Variants in EHBP1 observed in about 807,000 individuals in gnomAD.
The protein encoded by EHBP1 is EH domain binding protein 1.
Under a neutral mutation model 144.0 loss-of-function variants are expected in EHBP1, and 55 were observed. That is an observed-to-expected ratio of 0.38 (90% confidence interval 0.31 to 0.48). EHBP1 has a LOEUF of 0.48. EHBP1 is among the 20% of genes least tolerant of loss of function. EHBP1 has a pLI of 0.98. For synonymous variants in EHBP1, 469 were observed against 472.7 expected (o/e 0.99, Z 0.10); for missense variants, 1,200 against 1,364.2 (o/e 0.88, Z 1.90).
At chr2:62,739,193 A>G (rs1000273966) in intron 2 of EHBP1, among the ~76,000 whole-genome samples, 19 of 152,228 alleles carry the variant, frequency 1.2e-4, no homozygotes, top group African/African-American at 3.6e-4. Flanking sequence ...TCTTTTATCT[A>G]TCATACTGTT....
chr2:62,782,160 A>G (rs2042469190), intron 5 of EHBP1, among the ~76,000 whole-genome samples: 1 of 152,230 alleles, frequency 6.6e-6, no homozygotes. Flanking sequence ...CTAGTGCTAT[A>G]TTAACTACTA....
intron 10 of EHBP1, among the ~76,000 whole-genome samples, chr2:62,896,640 G>C (rs2052960643): frequency 6.7e-6 from 1 of 148,856 alleles, no homozygotes; most frequent in Admixed American, 6.7e-5. Flanking sequence ...TTCTGTACCT[G>C]ACCACTTCAG....
intron 10 of EHBP1, among the ~76,000 whole-genome samples, chr2:62,903,643 G>A (rs989811678): frequency 2.6e-5 from 4 of 152,074 alleles, no homozygotes; most frequent in African/African-American, 7.2e-5. Context: ...GCTCACTCCT[G>A]TAGTTCCAGC....
chr2:63,031,105 C>A (rs543136638), intron 19 of EHBP1, among the ~76,000 whole-genome samples: 1 of 152,038 alleles, frequency 6.6e-6, no homozygotes, highest in South Asian at 2.1e-4. Context: ...CTTCCACTCC[C>A]ACTTTTAAAG....
chr2:62,891,080 A>T (rs1344486544), intron 10 of EHBP1, among the ~76,000 whole-genome samples: 1 of 151,248 alleles, frequency 6.6e-6, no homozygotes, highest in Non-Finnish European at 1.5e-5. Flanking sequence ...CGGGAGGCTG[A>T]GGCAGGAGAA....
At position 62,990,209 on chromosome 2, in the gene EHBP1, A is replaced by G. The variant is rs2059358754; in HGVS notation, c.2609-507A>G. Among the ~76,000 whole-genome samples, 3 of 152,176 alleles carry G rather than the reference A, an allele frequency of 2.0e-5. No homozygotes were observed. The South Asian group carries it at 6.2e-4, about 32-fold the overall frequency. On this transcript the variant is annotated intron_variant, in intron 15 of 22. Transcript: ENST00000431489. Reference sequence around the variant, plus strand: ...CATATACCCTGTTTCAATGCTGGTTATATAGGTACATATATAAACACTGGA... The same window carrying G: ...CATATACCCTGTTTCAATGCTGGTTGTATAGGTACATATATAAACACTGGA...
intron 5 of EHBP1, among the ~76,000 whole-genome samples, chr2:62,781,865 T>C (rs1251424107): frequency 1.3e-5 from 2 of 152,226 alleles, no homozygotes; most frequent in African/African-American, 4.8e-5. Context: ...TATCAGCTGA[T>C]CAGTTAATAA....
chr2:63,038,346 T>G (rs1354941179), intron 20 of EHBP1, among the ~76,000 whole-genome samples: 2 of 152,142 alleles, frequency 1.3e-5, no homozygotes, highest in Non-Finnish European at 1.5e-5. Context: ...AATCCTGAAT[T>G]GTGGTCTCTG....
At chr2:62,987,604 T>G (rs1366665458) in intron 15 of EHBP1, among the ~76,000 whole-genome samples, 1 of 152,196 alleles carries the variant, frequency 6.6e-6, no homozygotes, top group Non-Finnish European at 1.5e-5. Flanking sequence ...TTTATTTTTG[T>G]GTGCCATTGT....
chr2:62,882,864 A>G (rs529037649), intron 10 of EHBP1, among the ~76,000 whole-genome samples: 76 of 142,918 alleles, frequency 5.3e-4, no homozygotes, highest in Non-Finnish European at 3.3e-4. Flanking sequence ...CCTGGGCAAC[A>G]AGAGTGAAAC....
intron 14 of EHBP1, among the ~76,000 whole-genome samples, chr2:62,973,958 A>G (rs1239467113): frequency 6.6e-6 from 1 of 152,190 alleles, no homozygotes; most frequent in Non-Finnish European, 1.5e-5. Context: ...GCGGTTAGCT[A>G]TGATTGCACC....
intron 10 of EHBP1, among the ~76,000 whole-genome samples, chr2:62,894,392 G>A (rs2052708905): frequency 6.6e-6 from 1 of 152,198 alleles, no homozygotes; most frequent in Non-Finnish European, 1.5e-5. Flanking sequence ...AATAGGAAGA[G>A]GGAGAGAGAG....
chr2:62,996,726 C>G lies in EHBP1; in HGVS notation c.3063C>G (p.Ala1021=), dbSNP rs145427390. 4.4e-4 allele frequency: 704 copies of G among 1,612,994 alleles called. 2 individuals carry two copies. The highest frequency in any genetic ancestry group is 5.0e-4 in the Non-Finnish European group (589 of 1,179,512). ...ENEQKQIDTR[A]ALVEKRLRYL... ...AGCAAAAGCAAATTGACACCCGTGC[C>G]GCGCTGGTGGAGAAGCGCCTTCGCT... Residue 1021 remains alanine (A), a synonymous_variant, in exon 19 of 23, where the codon GCC becomes GCG. Coordinates refer to ENST00000431489, the MANE Select transcript of EHBP1 (RefSeq NM_001142616.3).
At chr2:62,710,951 C>G (rs2035089004) in intron 2 of EHBP1, among the ~76,000 whole-genome samples, 1 of 152,106 alleles carries the variant, frequency 6.6e-6, no homozygotes, top group Non-Finnish European at 1.5e-5. Context: ...ATACATGAGC[C>G]TTGATGTAAA....
chr2:62,711,669 G>GAGGTGAGGA (rs1206819167), intron 2 of EHBP1, among the ~76,000 whole-genome samples: 1 of 152,150 alleles, frequency 6.6e-6, no homozygotes, highest in Non-Finnish European at 1.5e-5. Flanking sequence ...TCAGCATATA[G>GAGGTGAGGA]AGGTGAGGAA....
chr2:62,958,652 T>G (rs2057841691), intron 14 of EHBP1, among the ~76,000 whole-genome samples: 1 of 152,168 alleles, frequency 6.6e-6, no homozygotes, highest in African/African-American at 2.4e-5. Flanking sequence ...AACATCAAAT[T>G]TAAAATGGGT....
intron 10 of EHBP1, among the ~76,000 whole-genome samples, chr2:62,908,256 A>G (rs1037420200): frequency 6.6e-6 from 1 of 152,134 alleles, no homozygotes; most frequent in Non-Finnish European, 1.5e-5. Context: ...ATTTTCTTTT[A>G]TTTAAATCTT....
intron 16 of EHBP1, among the ~76,000 whole-genome samples, 189 bp downstream of exon 16, chr2:62,991,029 A>G: frequency 6.6e-6 from 1 of 152,100 alleles, no homozygotes; most frequent in East Asian, 1.9e-4. Context: ...AGGCCAAGGC[A>G]GGAGAATCAG....
intron 5 of EHBP1, among the ~76,000 whole-genome samples, chr2:62,802,303 G>T (rs1203279111): frequency 6.6e-6 from 1 of 152,190 alleles, no homozygotes; most frequent in Non-Finnish European, 1.5e-5. Flanking sequence ...TGGAGGAGGG[G>T]CAGGGTATGC....
Sources: gnomAD v4.1 joint callset for allele counts (sites outside exome capture counted in the v4.1 genomes callset) on GRCh38, gnomAD v4.1.1 for gene constraint, MANE v1.5 for transcripts, NCBI Gene and HGNC (gene_info 2026-07-23, HGNC 2026-07-21) for gene names.